The following EHHADH variants were observed in gnomAD, a reference collection of about 807,000 sequenced individuals.
EHHADH encodes the protein enoyl-CoA hydratase and 3-hydroxyacyl CoA dehydrogenase.
A neutral mutation model predicts 64.4 loss-of-function variants in EHHADH; 48 were observed. The ratio of observed to expected loss-of-function variants is 0.75; its 90% CI spans 0.59 to 0.95. The LOEUF (loss-of-function observed/expected upper bound fraction) is 0.95, where lower values mean the gene tolerates loss of function less well. EHHADH is among the 40% of genes least tolerant of loss of function. The pLI is 0.00. For synonymous variants in EHHADH, 308 were observed against 326.7 expected (o/e 0.94, Z 0.62); for missense variants, 854 against 876.6 (o/e 0.97, Z 0.33).
At chr3:185,236,860 A>C (rs1719309599) in intron 2 of EHHADH, among the ~76,000 whole-genome samples, 1 of 152,216 alleles carries the variant, frequency 6.6e-6, no homozygotes, top group African/African-American at 2.4e-5. Flanking sequence ...TTATTGGATA[A>C]ATGCATCAAG....
intron 5 of EHHADH, among the ~76,000 whole-genome samples, chr3:185,210,498 G>T (rs1718511659): frequency 6.6e-6 from 1 of 151,976 alleles, no homozygotes; most frequent in African/African-American, 2.4e-5. Flanking sequence ...GCCAGGCGTG[G>T]TGGGTGCCTG....
intron 4 of EHHADH, among the ~76,000 whole-genome samples, chr3:185,218,859 C>T (rs189637568): frequency 8.0e-4 from 122 of 152,148 alleles, no homozygotes; most frequent in Admixed American, 3.5e-3. Context: ...CCTGTCTCTA[C>T]TACAAATACA....
Position 185,192,085 on chromosome 3 carries a change from C to T in EHHADH, c.*141G>A, listed in dbSNP as rs1384964835. 1.3e-5 allele frequency: 13 copies of T among 979,146 alleles called. No individual in the cohort carries two copies. The highest frequency in any genetic ancestry group is 2.8e-5 in the Admixed American group (1 of 36,054). The allele number at this position is 979,146 out of a possible 1,614,324, so 60.7% of individuals were successfully genotyped here. A position where few individuals can be genotyped will look rare whatever the true frequency, so the allele number is the denominator to read the frequency against. On this transcript the variant is annotated 3_prime_UTR_variant, in exon 7 of 7. Coordinates refer to ENST00000231887, the MANE Select transcript of EHHADH (RefSeq NM_001966.4). ...TTCCTAAAGATTTGACCATTAGAGT[C>T]GTTACACAGAAGATTCTAATGATTA... is the stretch of plus-strand genomic sequence containing the variant.
chr3:185,228,731 C>T (rs764900974), intron 4 of EHHADH, among the ~76,000 whole-genome samples: 4 of 152,066 alleles, frequency 2.6e-5, no homozygotes, highest in Admixed American at 6.6e-5. Flanking sequence ...TATCTTAATA[C>T]TTGCCAGTGA....
rs749297909 is a variant in EHHADH at position 185,192,690 on chromosome 3, G to A, written c.1708C>T (p.Arg570Ter). ...CCCTTACCTGTCTTCTGGCCAAATCGTCCTAATTCACAGAGCACATCAGGA... is the reference window on the plus strand; with the variant it reads ...CCCTTACCTGTCTTCTGGCCAAATCATCCTAATTCACAGAGCACATCAGGA... ...PIPDVLCELGRFGQKTGKGWY... is the reference protein window; with the variant it reads ...PIPDVLCELG The change falls in exon 7 of 7, where the codon CGA (arginine) becomes TGA (stop). Residue 570 changes from arginine (R) to a stop codon, truncating the protein, a stop_gained. Transcript: ENST00000231887. LOFTEE classifies it high-confidence loss of function. The A allele has an allele frequency of 6.8e-6, 11 of 1,614,050 alleles. No homozygotes were observed. Among genetic ancestry groups the A allele is most frequent in the Non-Finnish European group, 9.3e-6 (11 of 1,180,014 alleles).
At position 185,251,285 on chromosome 3, in the gene EHHADH, T is replaced by C. The variant is rs576992877; in HGVS notation, c.74+2664A>G. Among the ~76,000 whole-genome samples, 4 of 152,272 alleles carry C rather than the reference T, an allele frequency of 2.6e-5. No homozygotes were observed. The South Asian group carries it at 8.3e-4, about 32-fold the overall frequency. On this transcript the variant is annotated intron_variant, in intron 1 of 6. Transcript: ENST00000231887. ...GTTTGTGGCTTGTGACCAGGATTTT[T>C]TCAAAGAAAAAGAAGAGATGAGAAA...
chr3:185,207,390 T>C (rs1405756065), intron 5 of EHHADH, among the ~76,000 whole-genome samples: 1 of 152,140 alleles, frequency 6.6e-6, no homozygotes. Context: ...GAATCTTTCC[T>C]GACTGTGGTG....
At chr3:185,218,576 C>T (rs1162902693) in intron 4 of EHHADH, among the ~76,000 whole-genome samples, 2 of 152,056 alleles carry the variant, frequency 1.3e-5, no homozygotes, top group African/African-American at 4.8e-5. Flanking sequence ...TCTTTATATT[C>T]TATAAATCTC....
intron 4 of EHHADH, among the ~76,000 whole-genome samples, chr3:185,219,139 A>T (rs1310932881): frequency 1.3e-5 from 2 of 152,238 alleles, no homozygotes; most frequent in Non-Finnish European, 2.9e-5. Context: ...GTATAATTAA[A>T]ATTACCTAGG....
At chr3:185,240,286 A>G (rs1719413499) in intron 2 of EHHADH, among the ~76,000 whole-genome samples, 1 of 151,276 alleles carries the variant, frequency 6.6e-6, no homozygotes, top group Non-Finnish European at 1.5e-5. Context: ...CTTTCATAGA[A>G]TGATTTAGGG....
At chr3:185,218,348 T>C in intron 4 of EHHADH, 108 bp from the exon 5 acceptor site, 1 of 628,036 alleles carries the variant, frequency 1.6e-6, no homozygotes, top group Non-Finnish European at 2.6e-6. Context: ...GATATAAATA[T>C]CTATTATTGA....
At chr3:185,212,385 A>G (rs1238360387) in intron 5 of EHHADH, among the ~76,000 whole-genome samples, 1 of 152,228 alleles carries the variant, frequency 6.6e-6, no homozygotes, top group Non-Finnish European at 1.5e-5. Flanking sequence ...AAGTTTGTAG[A>G]GAAATGTGCC....
At chr3:185,207,162 C>A (rs1342891339) in intron 5 of EHHADH, among the ~76,000 whole-genome samples, 1 of 151,872 alleles carries the variant, frequency 6.6e-6, no homozygotes, top group Non-Finnish European at 1.5e-5. Context: ...TGGTGGCGCA[C>A]CCCTGTGGTC....
At chr3:185,233,403 T>C (rs998645203) in intron 3 of EHHADH, among the ~76,000 whole-genome samples, 10 of 152,118 alleles carry the variant, frequency 6.6e-5, no homozygotes, top group African/African-American at 2.2e-4. Flanking sequence ...GGTATACTTT[T>C]ACATTTAACA....
At chr3:185,206,910 C>A (rs1482909633) in intron 5 of EHHADH, among the ~76,000 whole-genome samples, 1 of 151,760 alleles carries the variant, frequency 6.6e-6, no homozygotes, top group East Asian at 1.9e-4. Flanking sequence ...ATAACACCCC[C>A]CCCACCAAAT....
intron 5 of EHHADH, among the ~76,000 whole-genome samples, chr3:185,206,552 G>C (rs1457216037): frequency 6.6e-6 from 1 of 152,158 alleles, no homozygotes; most frequent in African/African-American, 2.4e-5. Flanking sequence ...TGACAGCCAG[G>C]TGCAGTGGCT....
At chr3:185,207,431 G>C (rs1333541384) in intron 5 of EHHADH, among the ~76,000 whole-genome samples, 1 of 152,226 alleles carries the variant, frequency 6.6e-6, no homozygotes. Context: ...AAGGGTTAGA[G>C]AAATGCAACA....
intron 5 of EHHADH, among the ~76,000 whole-genome samples, chr3:185,217,811 A>C (rs539080534): frequency 6.1e-5 from 9 of 147,890 alleles, no homozygotes; most frequent in East Asian, 4.1e-4. Flanking sequence ...GTCGCCCAGG[A>C]TGGAGTGCAG....
intron 6 of EHHADH, among the ~76,000 whole-genome samples, chr3:185,195,873 C>T (rs188270402): frequency 2.8e-4 from 42 of 152,244 alleles, no homozygotes; most frequent in Admixed American, 7.9e-4. Context: ...CTTGGCATTA[C>T]GCAATACATA....
Sources: gnomAD v4.1 joint callset for allele counts (sites outside exome capture counted in the v4.1 genomes callset) on GRCh38, gnomAD v4.1.1 for gene constraint, MANE v1.5 for transcripts, NCBI Gene and HGNC (gene_info 2026-07-23, HGNC 2026-07-21) for gene names.